The following PPP1R12B variants were observed in gnomAD, a reference collection of about 807,000 sequenced individuals.
PPP1R12B encodes protein phosphatase 1 regulatory subunit 12B.
In PPP1R12B, 76 loss-of-function variants were observed where a neutral mutation model predicts 126.1. The ratio of observed to expected loss-of-function variants is 0.60; its 90% CI spans 0.50 to 0.73. The LOEUF (loss-of-function observed/expected upper bound fraction) is 0.73. Among genes scored for constraint, PPP1R12B ranks in the 30% least tolerant of loss-of-function variants. The pLI is 0.00. For synonymous variants in PPP1R12B, 356 were observed against 434.7 expected, an observed-to-expected ratio of 0.82 and a Z score of 2.25; for missense variants, 1,052 against 1,205.1, an observed-to-expected ratio of 0.87 and a Z score of 1.88.
At chr1:202,570,384 A>G (rs1480457766) in intron 23 of PPP1R12B, among the ~76,000 whole-genome samples, 4 of 152,144 alleles carry the variant, frequency 2.6e-5, no homozygotes, top group African/African-American at 4.8e-5. Context: ...CTGTTACTCT[A>G]TAATTCCAGA....
intron 6 of PPP1R12B, among the ~76,000 whole-genome samples, chr1:202,430,137 G>A (rs1472570855): frequency 1.3e-5 from 2 of 152,110 alleles, no homozygotes; most frequent in Admixed American, 1.3e-4. Flanking sequence ...AGACTCACAT[G>A]GAAGTTGCAA....
intron 1 of PPP1R12B, among the ~76,000 whole-genome samples, chr1:202,404,675 A>AT (rs888254832): frequency 9.9e-5 from 15 of 151,484 alleles, no homozygotes; most frequent in East Asian, 3.9e-4. Context: ...AATTTTTTGT[A>AT]TTTTTTTAGT....
In PPP1R12B at chr1:202,493,115, G is replaced by T. The variant is rs781092613; in HGVS notation, c.1943G>T (p.Gly648Val). 1.6e-5 allele frequency: 26 copies of T among 1,611,630 alleles called. No individual in the cohort carries two copies. In the South Asian group the frequency reaches 2.3e-4, roughly 14 times the overall value. ...CCTGATCTTGTGATATTTTCCCAGGGTGTCACCCTAACAGACCTTCAAGAA... is the reference window on the plus strand; with the variant it reads ...CCTGATCTTGTGATATTTTCCCAGGTTGTCACCCTAACAGACCTTCAAGAA... Reference protein sequence around the residue: ...QARQTRRSTQGVTLTDLQEAE... With the variant: ...QARQTRRSTQVVTLTDLQEAE... Residue 648 changes from glycine to valine, a missense_variant and splice_region_variant, in exon 15 of 24, where the codon GGT becomes GTT. Physicochemically the swap from Gly to Val is moderately radical, Grantham distance 109. Coordinates refer to ENST00000608999, the MANE Select transcript of PPP1R12B (RefSeq NM_002481.4).
chr1:202,441,353 G>A (rs1671593900), intron 11 of PPP1R12B, among the ~76,000 whole-genome samples: 1 of 151,946 alleles, frequency 6.6e-6, no homozygotes, highest in South Asian at 2.1e-4. Flanking sequence ...ATAGAAGCAG[G>A]GTTTTGCTAT....
chr1:202,437,474 C>T (rs1015827825), intron 9 of PPP1R12B, among the ~76,000 whole-genome samples: 7 of 152,170 alleles, frequency 4.6e-5, no homozygotes, highest in African/African-American at 1.7e-4. Context: ...ATATTCAGTT[C>T]CACGGTGAGT....
chr1:202,551,633 G>A (rs1185873617), intron 18 of PPP1R12B, among the ~76,000 whole-genome samples: 1 of 152,018 alleles, frequency 6.6e-6, no homozygotes, highest in Non-Finnish European at 1.5e-5. Context: ...GATAGCTCTC[G>A]CATGATTGTT....
intron 2 of PPP1R12B, among the ~76,000 whole-genome samples, chr1:202,418,182 A>G (rs1048356347): frequency 1.3e-5 from 2 of 152,228 alleles, no homozygotes; most frequent in African/African-American, 4.8e-5. Context: ...TCTTATTCTT[A>G]GTCTTATCCA....
At chr1:202,432,608 C>A (rs1447069160) in intron 8 of PPP1R12B, among the ~76,000 whole-genome samples, 1 of 152,080 alleles carries the variant, frequency 6.6e-6, no homozygotes, top group Non-Finnish European at 1.5e-5. Context: ...ACAGGAACCC[C>A]AACAGTGAGA....
At chr1:202,442,212 G>C (rs981683413) in intron 11 of PPP1R12B, among the ~76,000 whole-genome samples, 4 of 152,232 alleles carry the variant, frequency 2.6e-5, no homozygotes, top group Non-Finnish European at 5.9e-5. Context: ...AGAGACCTTT[G>C]ACATGAGGAA....
chr1:202,438,272 T>C, intron 10 of PPP1R12B: 1 of 1,574,816 alleles, frequency 6.3e-7, no homozygotes. Flanking sequence ...TCAATCTTCC[T>C]TGCCCCCTTA....
chr1:202,448,046 G>A lies in PPP1R12B; in HGVS notation c.1668-943G>A, dbSNP rs900761045. On this transcript the variant is annotated intron_variant, in intron 12 of 23. Coordinates refer to ENST00000608999, the MANE Select transcript of PPP1R12B (RefSeq NM_002481.4). The stretch of plus-strand genomic sequence containing the variant: ...GTTTTTATTATTTTTTTTCAAGCTT[G>A]TAATTTGATTATTTGGAAGTAAGCT... 2.7e-5 allele frequency among the ~76,000 whole-genome samples: 4 copies of A among 150,882 alleles called. 1 individual carries two copies. The highest frequency in any genetic ancestry group is 5.9e-5 in the Non-Finnish European group (4 of 67,774).
Position 202,449,188 on chromosome 1 carries a change from AT to A in PPP1R12B, c.1850+20del, listed in dbSNP as rs1301649920. On this transcript the variant is annotated intron_variant, in intron 13 of 23. Coordinates refer to ENST00000608999, the MANE Select transcript of PPP1R12B (RefSeq NM_002481.4). ...GAAGAGGAGGTATGTTGAGTTACTGATTTCATTTGTGGGGCTCTGCTTTGAG... is the reference window on the plus strand; with the variant it reads ...GAAGAGGAGGTATGTTGAGTTACTGATTCATTTGTGGGGCTCTGCTTTGAG... 6.3e-7 allele frequency: 1 copy of A among 1,576,706 alleles called. No homozygotes were observed. The highest frequency in any genetic ancestry group is 8.6e-7 in the Non-Finnish European group (1 of 1,159,604).
At chr1:202,477,597 C>G (rs1390495890) in intron 13 of PPP1R12B, among the ~76,000 whole-genome samples, 1 of 152,092 alleles carries the variant, frequency 6.6e-6, no homozygotes, top group Non-Finnish European at 1.5e-5. Flanking sequence ...GAAACAGGCT[C>G]TCACTCTGTC....
chr1:202,348,758 G>T lies in PPP1R12B; in HGVS notation c.-94G>T. On this transcript the variant is annotated 5_prime_UTR_variant, in exon 1 of 24. Transcript: ENST00000608999. ...CGAGGGTCTCCGCCCTCTGCTCCGGGCTGAAGCGCTCTGAGAGAGGCGGCA... is the reference window on the plus strand; with the variant it reads ...CGAGGGTCTCCGCCCTCTGCTCCGGTCTGAAGCGCTCTGAGAGAGGCGGCA... 6.9e-7 allele frequency: 1 copy of T among 1,454,866 alleles called. No individual in the cohort carries two copies. The highest frequency in any genetic ancestry group is 1.4e-5 in the African/African-American group (1 of 70,676). The allele number at this position is 1,454,866 out of a possible 1,614,324, so 90.1% of individuals were successfully genotyped here.
At chr1:202,568,575 C>T (rs945189142) in intron 22 of PPP1R12B, among the ~76,000 whole-genome samples, 3 of 152,170 alleles carry the variant, frequency 2.0e-5, no homozygotes, top group African/African-American at 7.2e-5. Flanking sequence ...TGATCAAAAA[C>T]TCCTCATTGG....
intron 9 of PPP1R12B, 45 bp downstream of exon 9, chr1:202,434,813 G>C: frequency 6.2e-7 from 1 of 1,602,212 alleles, no homozygotes; most frequent in East Asian, 2.2e-5. Flanking sequence ...TCACCCTACT[G>C]CAGTAGCACA....
intron 1 of PPP1R12B, among the ~76,000 whole-genome samples, chr1:202,393,043 T>G (rs1265383447): frequency 6.6e-6 from 1 of 152,200 alleles, no homozygotes; most frequent in Non-Finnish European, 1.5e-5. Flanking sequence ...TCTTTTGGGT[T>G]AAAGGGATTC....
At chr1:202,466,243 C>G (rs183784668) in intron 13 of PPP1R12B, among the ~76,000 whole-genome samples, 150 of 152,226 alleles carry the variant, frequency 9.9e-4, no homozygotes, top group Non-Finnish European at 2.0e-3. Context: ...GCCCCACCCC[C>G]CAATCCAGTG....
chr1:202,569,667 G>C (rs759267479), intron 23 of PPP1R12B, among the ~76,000 whole-genome samples: 1 of 152,190 alleles, frequency 6.6e-6, no homozygotes, highest in African/African-American at 2.4e-5. Context: ...TCATTCTGCA[G>C]CAAAATAAAA....
Sources: allele counts gnomAD v4.1 joint callset (sites outside exome capture counted in the v4.1 genomes callset), GRCh38; gene constraint gnomAD v4.1.1; transcripts MANE v1.5; gene names NCBI Gene and HGNC (gene_info 2026-07-23, HGNC 2026-07-21).